DET1: variants seen among roughly 807,000 people sequenced by gnomAD.
The protein encoded by DET1 is DET1 homolog.
In DET1, 22 loss-of-function variants were observed where a neutral mutation model predicts 43.7. The ratio of observed to expected loss-of-function variants is 0.50; its 90% CI spans 0.36 to 0.72. The LOEUF is 0.72. DET1 is among the 30% of genes least tolerant of loss of function. The pLI, the probability that DET1 is intolerant of heterozygous loss-of-function variation, is 0.00. For synonymous variants in DET1, 315 were observed against 266.2 expected (o/e 1.18, Z -1.79); for missense variants, 713 against 713.3 (o/e 1.00, Z 0.00).
chr15:88,509,249 C>T (rs376549780), downstream of DET1, among the ~76,000 whole-genome samples: 9 of 152,262 alleles, frequency 5.9e-5, no homozygotes, highest in East Asian at 1.5e-3. Context: ...TTCCTGGGTT[C>T]AAGCAATCCT....
At chr15:88,518,170 G>T (rs2056397908) in intron 3 of DET1, among the ~76,000 whole-genome samples, 1 of 147,842 alleles carries the variant, frequency 6.8e-6, no homozygotes, top group South Asian at 2.1e-4. Flanking sequence ...TTCAACTCCT[G>T]GCCTCAAGCG....
At chr15:88,517,227 T>G (rs997206407) in intron 3 of DET1, among the ~76,000 whole-genome samples, 3 of 148,846 alleles carry the variant, frequency 2.0e-5, no homozygotes, top group African/African-American at 4.9e-5. Context: ...GTTTTGGGTT[T>G]TTTTTTTTTT....
chr15:88,509,558 C>A (rs1173491042), downstream of DET1, among the ~76,000 whole-genome samples: 1 of 152,094 alleles, frequency 6.6e-6, no homozygotes, highest in Non-Finnish European at 1.5e-5. Context: ...ATGAAGGAGG[C>A]AGAACAGCAA....
chr15:88,506,812 G>C (rs888054100), intron 7 of DET1, among the ~76,000 whole-genome samples: 9 of 152,164 alleles, frequency 5.9e-5, no homozygotes, highest in Admixed American at 5.2e-4. Context: ...TCAAGGTCCA[G>C]AGCAGCTTGG....
intron 3 of DET1, among the ~76,000 whole-genome samples, chr15:88,519,372 A>T (rs979822575): frequency 6.6e-6 from 1 of 152,138 alleles, no homozygotes; most frequent in African/African-American, 2.4e-5. Context: ...GCCTCCTGCT[A>T]GTTCCTTGAC....
At chr15:88,543,914 C>G (rs879517492) in intron 1 of DET1, among the ~76,000 whole-genome samples, 2 of 152,122 alleles carry the variant, frequency 1.3e-5, no homozygotes, top group African/African-American at 4.8e-5. Context: ...CCTAGGCCAC[C>G]GTCTCTGAGA....
chr15:88,527,130 A>G (rs1041901010), intron 3 of DET1, among the ~76,000 whole-genome samples: 2 of 152,098 alleles, frequency 1.3e-5, no homozygotes, highest in Non-Finnish European at 2.9e-5. Context: ...CTCCTCTCCT[A>G]TTCTCTTTGT....
chr15:88,506,843 G>A (rs2056147099), intron 7 of DET1, among the ~76,000 whole-genome samples: 1 of 152,152 alleles, frequency 6.6e-6, no homozygotes, highest in African/African-American at 2.4e-5. Flanking sequence ...TGACATGTCA[G>A]CTCCCTGCCA....
At position 88,512,851 on chromosome 15, in the gene DET1, C is replaced by G. The variant is rs190664811; in HGVS notation, c.*100G>C. The G allele has an allele frequency of 2.0e-5, 31 of 1,517,422 alleles. No homozygotes were observed. In the Admixed American group the frequency reaches 5.3e-4, roughly 26 times the overall value. The allele number at this position is 1,517,422 out of a possible 1,614,324, so 94.0% of individuals were successfully genotyped here. On this transcript the variant is annotated 3_prime_UTR_variant, in exon 5 of 5. Transcript: ENST00000268148. ...CCATCTGAGGTATAGCAGGCTGGAA[C>G]TAACAGAGCTAGTAGTCGGGAGCTT... is the stretch of plus-strand genomic sequence containing the variant.
Position 88,516,826 on chromosome 15 carries a change from T to C in DET1, c.1419A>G (p.Val473=). The change falls in exon 4 of 5, where the codon GTA becomes GTG. Residue 473 remains valine, a synonymous_variant. Transcript: ENST00000268148. The surrounding 1 kb of genome is among the most constrained non-coding windows in gnomAD (Gnocchi z 4.4). ...LSLFSYDDKW[V]SVMERPKTCG... Reference sequence around the variant, plus strand: ...AAGTCTTGGGCCGCTCCATGACAGATACCCACTTGTCATCATAACTGAAGA... The same window carrying C: ...AAGTCTTGGGCCGCTCCATGACAGACACCCACTTGTCATCATAACTGAAGA... 4.4e-6 allele frequency: 7 copies of C among 1,609,164 alleles called. No homozygotes were observed. Among genetic ancestry groups the C allele is most frequent in the Non-Finnish European group, 5.9e-6 (7 of 1,178,084 alleles).
At chr15:88,541,661 G>C (rs2142343149) in intron 1 of DET1, among the ~76,000 whole-genome samples, 1 of 152,300 alleles carries the variant, frequency 6.6e-6, no homozygotes, top group Admixed American at 6.5e-5. Flanking sequence ...CCGTGTGGCG[G>C]GTTGTTACTG....
At chr15:88,544,735 G>C (rs1303768007) in intron 1 of DET1, among the ~76,000 whole-genome samples, 4 of 152,126 alleles carry the variant, frequency 2.6e-5, no homozygotes, top group Admixed American at 2.6e-4. Flanking sequence ...AAAAACAGGG[G>C]TCCCCAGGCC....
In DET1 at chr15:88,516,749, G is replaced by C; in HGVS notation, c.1463+33C>G. 6.7e-7 allele frequency: 1 copy of C among 1,489,132 alleles called. No homozygotes were observed. The highest frequency in any genetic ancestry group is 2.5e-5 in the East Asian group (1 of 39,350). The allele number at this position is 1,489,132 out of a possible 1,614,324, so 92.2% of individuals were successfully genotyped here. A position where few individuals can be genotyped will look rare whatever the true frequency, so the allele number is the denominator to read the frequency against. ...AGAAAGCAGGCCATCTTCAGCCCTTGAGCAGTTTGTAGCTATAGCAGTGAC... is the reference window on the plus strand; with the variant it reads ...AGAAAGCAGGCCATCTTCAGCCCTTCAGCAGTTTGTAGCTATAGCAGTGAC... On this transcript the variant is annotated intron_variant, in intron 4 of 4. Transcript: ENST00000268148. The surrounding 1 kb of genome is among the most constrained non-coding windows in gnomAD (Gnocchi z 4.4).
chr15:88,545,455 G>C (rs186390901), intron 1 of DET1, among the ~76,000 whole-genome samples: 144 of 152,226 alleles, frequency 9.5e-4, no homozygotes, highest in African/African-American at 3.3e-3. Context: ...AGAATATCTA[G>C]ATAGGCAACA....
Position 88,531,602 on chromosome 15 carries a change from T to G in DET1, c.104A>C (p.His35Pro). ...ATGGAACACTCGGACTTGGTGCCAG[T>G]GGGTACCTGCCTTGCCTGAACTGAT... The part of the protein sequence containing the change: ...RRISSGKAGT[H>P]WHQVRVFHQN... Residue 35 changes from histidine (H) to proline (P), a missense_variant, in exon 2 of 5, where the codon CAC becomes CCC. By Grantham distance (77) the His-to-Pro change is moderately conservative. Coordinates refer to ENST00000268148, the MANE Select transcript of DET1 (RefSeq NM_001144074.3). This position sits in a 1 kb window ranked among gnomAD's most constrained non-coding sequence, Gnocchi z 6.2. The G allele has an allele frequency of 6.2e-7, 1 of 1,613,988 alleles. No homozygotes were observed. Among genetic ancestry groups the G allele is most frequent in the Non-Finnish European group, 8.5e-7 (1 of 1,179,884 alleles).
chr15:88,513,076 T>A lies in DET1; in HGVS notation c.1528A>T (p.Ile510Phe). Residue 510 changes from isoleucine to phenylalanine, a missense_variant, in exon 5 of 5, where the codon ATC (isoleucine) becomes TTC (phenylalanine). Ile to Phe is a conservative substitution (Grantham distance 21). Coordinates refer to ENST00000268148, the MANE Select transcript of DET1 (RefSeq NM_001144074.3). ...ACAAGGCGTCGCACTGTGTGGTTGA[T>A]GGGGCGGCCCAATAACCCCGCCTGG... ...EIQAGLLGRP[I>F]NHTVRRLVAF... 1 of 1,614,006 alleles carries A rather than the reference T, an allele frequency of 6.2e-7. No individual in the cohort carries two copies. The highest frequency in any genetic ancestry group is 8.5e-7 in the Non-Finnish European group (1 of 1,179,894).
intron 1 of DET1, chr15:88,536,416 G>A (rs556569512): frequency 4.1e-5 from 29 of 709,040 alleles, no homozygotes; most frequent in Non-Finnish European, 7.0e-5. Context: ...TCATAAATAT[G>A]TTAAAATAAT....
At position 88,531,956 on chromosome 15, in the gene DET1, C is replaced by T. The variant is rs1433666481; in HGVS notation, c.-10-241G>A. 2 of 470,332 alleles carry T rather than the reference C, an allele frequency of 4.3e-6. No individual in the cohort carries two copies. The highest frequency in any genetic ancestry group is 7.5e-6 in the Non-Finnish European group (2 of 267,396). 29.1% of individuals were successfully genotyped at this position (470,332 alleles called of 1,614,324 possible). Reference sequence around the variant, plus strand: ...AGGAATACCTTCCAAGTATGCTCAGCTGTTGGGAAAGTTCAACAGAAAAAA... The same window carrying T: ...AGGAATACCTTCCAAGTATGCTCAGTTGTTGGGAAAGTTCAACAGAAAAAA... On this transcript the variant is annotated intron_variant, in intron 1 of 4. Transcript: ENST00000268148. The surrounding 1 kb of genome is among the most constrained non-coding windows in gnomAD (Gnocchi z 6.2).
At chr15:88,534,125 A>C (rs910347772) in intron 1 of DET1, among the ~76,000 whole-genome samples, 11 of 152,176 alleles carry the variant, frequency 7.2e-5, no homozygotes, top group Non-Finnish European at 1.5e-4. Context: ...TAAAATCACA[A>C]TAAAAATATG....
Sources: allele counts gnomAD v4.1 joint callset (sites outside exome capture counted in the v4.1 genomes callset), GRCh38; gene constraint gnomAD v4.1.1; non-coding constraint Gnocchi (gnomAD v3.1); transcripts MANE v1.5; gene names NCBI Gene and HGNC (gene_info 2026-07-23, HGNC 2026-07-21).